Variants in COLQ observed in about 807,000 individuals in gnomAD.
COLQ encodes the protein acetylcholinesterase collagenic tail peptide.
A neutral mutation model predicts 69.0 loss-of-function variants in COLQ; 48 were observed. The ratio of observed to expected loss-of-function variants is 0.70; its 90% CI spans 0.55 to 0.88. COLQ has a LOEUF of 0.88. Ranked by LOEUF, COLQ falls within the 40% of genes least tolerant of loss-of-function variation. COLQ has a pLI of 0.00. For missense variants in COLQ, 618 were observed against 594.6 expected (o/e 1.04, Z -0.41); for synonymous variants, 217 against 211.2 (o/e 1.03, Z -0.24).
chr3:15,452,831 AG>A (rs1457893946), intron 16 of COLQ, among the ~76,000 whole-genome samples: 3 of 152,090 alleles, frequency 2.0e-5, no homozygotes, highest in Non-Finnish European at 4.4e-5. Context: ...CTAATATCTG[AG>A]TGTTAGGGAG....
At chr3:15,477,070 A>C in intron 6 of COLQ, 56 bp downstream of exon 6, 1 of 1,498,264 alleles carries the variant, frequency 6.7e-7, no homozygotes, top group Non-Finnish European at 9.1e-7. Context: ...GAAAGCTGCC[A>C]TCTTCCCCCC....
At chr3:15,457,652 G>C (rs1324234084) in intron 13 of COLQ, among the ~76,000 whole-genome samples, 3 of 149,982 alleles carry the variant, frequency 2.0e-5, no homozygotes, top group African/African-American at 7.5e-5. Context: ...TCGCTCTGTT[G>C]CCCAGGCTGG....
chr3:15,510,511 G>A (rs1052944438), intron 1 of COLQ, among the ~76,000 whole-genome samples: 1 of 151,604 alleles, frequency 6.6e-6, no homozygotes, highest in South Asian at 2.1e-4. Context: ...AGTTCAAGAC[G>A]AGCCTGGGCA....
chr3:15,480,214 G>A (rs2085313), intron 3 of COLQ, among the ~76,000 whole-genome samples: 56,725 of 151,978 alleles, frequency 0.37, 10,722 homozygotes, highest in East Asian at 0.49. Context: ...TAAGTTCTAG[G>A]GTACATGTGC....
At chr3:15,484,871 G>A (rs757349782) in intron 3 of COLQ, among the ~76,000 whole-genome samples, 2 of 152,032 alleles carry the variant, frequency 1.3e-5, no homozygotes, top group Admixed American at 6.5e-5. Context: ...TGTTATTACC[G>A]ATCGTCTGAA....
In COLQ at chr3:15,492,599, G is replaced by A. The variant is rs368653232; in HGVS notation, c.107-2962C>T. On this transcript the variant is annotated intron_variant, in intron 1 of 16. Transcript: ENST00000383788. ...GGAGAATGGCGTGAACCCGGGAGGC[G>A]GAGCTTGCAGTGAGCCGAGATCGCG... Among the ~76,000 whole-genome samples the A allele has an allele frequency of 5.3e-5, 8 of 152,114 alleles. No individual in the cohort carries two copies. The East Asian group carries it at 5.8e-4, about 11-fold the overall frequency.
At position 15,451,700 on chromosome 3, in the gene COLQ, G is replaced by T; in HGVS notation, c.1312C>A (p.Leu438Met). 6.2e-7 allele frequency: 1 copy of T among 1,614,100 alleles called. No homozygotes were observed. Among genetic ancestry groups the T allele is most frequent in the Non-Finnish European group, 8.5e-7 (1 of 1,179,988 alleles). The change falls in exon 17 of 17, where the codon CTG becomes ATG. Residue 438 changes from leucine to methionine, a missense_variant. Transcript: ENST00000383788. ...ATGTAGCAGTACTGGGTGCATTGCAGGTCTCCATATGACCTGAGGGAGGCA... is the reference window on the plus strand; with the variant it reads ...ATGTAGCAGTACTGGGTGCATTGCATGTCTCCATATGACCTGAGGGAGGCA... ...ETYLPGSYGD[L>M]QCTQYCYIDS... is the part of the protein sequence containing the mutation.
At chr3:15,466,195 C>T (rs1254951018) in intron 12 of COLQ, 146 bp downstream of exon 12, 6 of 628,946 alleles carry the variant, frequency 9.5e-6, no homozygotes, top group African/African-American at 7.4e-5. Context: ...TGAGCTAAAT[C>T]GTGGAGAAAT....
Position 15,458,270 on chromosome 3 carries a change from T to A in COLQ, c.870A>T (p.Arg290Ser). Reference protein sequence around the residue: ...GERGFPGPPGRCLCGPTMNVN... With the variant: ...GERGFPGPPGSCLCGPTMNVN... ...CATTCATAGTGGGTCCACAAAGACA[T>A]CTTCCTGGAGGCCCGGGAAATCCTC... Residue 290 changes from arginine to serine, a missense_variant, in exon 13 of 17, where the codon AGA becomes AGT. Physicochemically the swap from Arg to Ser is moderately radical, Grantham distance 110. Transcript: ENST00000383788. The A allele has an allele frequency of 6.2e-7, 1 of 1,614,116 alleles. No individual in the cohort carries two copies. The highest frequency in any genetic ancestry group is 8.5e-7 in the Non-Finnish European group (1 of 1,180,012).
Position 15,451,640 on chromosome 3 carries a change from G to T in COLQ, c.*4C>A, listed in dbSNP as rs754063500. 1.2e-6 allele frequency: 2 copies of T among 1,613,936 alleles called. No individual in the cohort carries two copies. The highest frequency in any genetic ancestry group is 2.7e-5 in the African/African-American group (2 of 74,940). The stretch of plus-strand genomic sequence containing the variant: ...GGGCGCAGCCCACCTTCTCCTCACG[G>T]CCCTCAGGTGAAGTAGCGGCAGGGC... On this transcript the variant is annotated 3_prime_UTR_variant, in exon 17 of 17. Coordinates refer to ENST00000383788, the MANE Select transcript of COLQ (RefSeq NM_005677.4).
At chr3:15,479,511 C>T in intron 3 of COLQ, 129 bp from the exon 4 acceptor site, 1 of 881,292 alleles carries the variant, frequency 1.1e-6, no homozygotes, top group East Asian at 2.5e-5. Flanking sequence ...GCTCCAGGGA[C>T]CCATGGAGGC....
chr3:15,477,067 G>C, intron 6 of COLQ, 59 bp downstream of exon 6: 1 of 1,475,932 alleles, frequency 6.8e-7, no homozygotes, highest in Non-Finnish European at 9.3e-7. Context: ...CAGGAAAGCT[G>C]CCATCTTCCC....
At chr3:15,489,377 C>T in intron 2 of COLQ, 148 bp downstream of exon 2, 1 of 741,930 alleles carries the variant, frequency 1.3e-6, no homozygotes, top group Non-Finnish European at 2.4e-6. Flanking sequence ...CATTCCGGGG[C>T]TCAACTTCTG....
At position 15,452,996 on chromosome 3, in the gene COLQ, C is replaced by A. The variant is rs1037215921; in HGVS notation, c.1298+833G>T. Among the ~76,000 whole-genome samples, 6 of 152,188 alleles carry A rather than the reference C, an allele frequency of 3.9e-5. No homozygotes were observed. In the East Asian group the frequency reaches 1.2e-3, roughly 29 times the overall value. On this transcript the variant is annotated intron_variant, in intron 16 of 16. Coordinates refer to ENST00000383788, the MANE Select transcript of COLQ (RefSeq NM_005677.4). ...TCAAGGACAGAAGAGATCGGAAGCACCAGTAGATCCACTCTGGAACCCAGT... is the reference window on the plus strand; with the variant it reads ...TCAAGGACAGAAGAGATCGGAAGCAACAGTAGATCCACTCTGGAACCCAGT...
At chr3:15,497,929 A>G (rs2062770754) in intron 1 of COLQ, among the ~76,000 whole-genome samples, 1 of 152,146 alleles carries the variant, frequency 6.6e-6, no homozygotes, top group Admixed American at 6.5e-5. Flanking sequence ...TCTGATCCTA[A>G]AAGTTGCACG....
At chr3:15,512,170 G>C (rs1869856) in intron 1 of COLQ, among the ~76,000 whole-genome samples, 41,737 of 152,096 alleles carry the variant, frequency 0.27, 6,409 homozygotes, top group African/African-American at 0.43. Flanking sequence ...GAGTGGTACA[G>C]AAGGATGAGT....
intron 1 of COLQ, among the ~76,000 whole-genome samples, chr3:15,517,946 TG>T (rs2063084346): frequency 6.6e-6 from 1 of 152,098 alleles, no homozygotes; most frequent in Non-Finnish European, 1.5e-5. Context: ...TAGTCTACTA[TG>T]TTTTGTTTGT....
intron 1 of COLQ, among the ~76,000 whole-genome samples, chr3:15,497,440 T>C (rs1016282278): frequency 3.3e-5 from 5 of 152,202 alleles, no homozygotes; most frequent in African/African-American, 1.2e-4. Context: ...AATAGGTTAC[T>C]GGAAATAGCC....
intron 1 of COLQ, among the ~76,000 whole-genome samples, chr3:15,516,826 A>G (rs181665457): frequency 4.5e-4 from 69 of 152,340 alleles, no homozygotes; most frequent in African/African-American, 1.5e-3. Flanking sequence ...GCATTGATAT[A>G]CTGAGGAAAA....
Sources: allele counts gnomAD v4.1 joint callset (sites outside exome capture counted in the v4.1 genomes callset), GRCh38; gene constraint gnomAD v4.1.1; transcripts MANE v1.5; gene names NCBI Gene and HGNC (gene_info 2026-07-23, HGNC 2026-07-21).